LRRC9: variants seen among roughly 807,000 people sequenced by gnomAD.
LRRC9 encodes leucine-rich repeat-containing protein 9.
A neutral mutation model predicts 63.2 loss-of-function variants in LRRC9; 122 were observed. The observed-to-expected ratio is 1.93, with a 90% CI of 1.67 to 2.24. LRRC9 has a LOEUF of 2.24. Ranked by LOEUF, LRRC9 falls within the 30% of genes most tolerant of loss-of-function variation. The probability of loss-of-function intolerance (pLI) is 0.00; values close to 1 mark genes in which losing one functional copy is unlikely to be tolerated. For synonymous variants in LRRC9, 366 were observed against 213.1 expected (o/e 1.72, Z -6.25); for missense variants, 1,071 against 627.7 (o/e 1.71, Z -7.55).
intron 26 of LRRC9, among the ~76,000 whole-genome samples, chr14:60,021,632 A>C (rs1891123514): frequency 6.6e-6 from 1 of 151,804 alleles, no homozygotes; most frequent in African/African-American, 2.4e-5. Flanking sequence ...ATCGAGTCCT[A>C]TGGTCTATTT....
chr14:59,985,388 A>G (rs776464828), intron 17 of LRRC9, among the ~76,000 whole-genome samples, 164 bp downstream of exon 17: 2 of 152,232 alleles, frequency 1.3e-5, no homozygotes, highest in African/African-American at 2.4e-5. Flanking sequence ...ATGCACAGCA[A>G]GTGTGGTGAT....
chr14:59,944,458 T>A (rs187177324), intron 7 of LRRC9, 131 bp from the exon 8 acceptor site: 2 of 407,368 alleles, frequency 4.9e-6, no homozygotes, highest in Non-Finnish European at 8.6e-6. Flanking sequence ...CCAGCTGTCA[T>A]CATTATTAGT....
rs1307750851 is a variant in LRRC9 at position 59,927,624 on chromosome 14, C to T, written c.-33-287C>T. On this transcript the variant is annotated intron_variant, in intron 1 of 31. Transcript: ENST00000445360. This position sits in a 1 kb window ranked among gnomAD's most constrained non-coding sequence, Gnocchi z 4.4. The stretch of plus-strand genomic sequence containing the variant: ...GATAAGAGTGTAGATGAGAGATGAC[C>T]ATTTTCTTCAAGTATTGAAGGCTCA... Among the ~76,000 whole-genome samples, 1 of 151,284 alleles carries T rather than the reference C, an allele frequency of 6.6e-6. No homozygotes were observed. Among genetic ancestry groups the T allele is most frequent in the Non-Finnish European group, 1.5e-5 (1 of 67,654 alleles).
chr14:59,938,447 C>G lies in LRRC9; in HGVS notation c.601C>G (p.Gln201Glu). 2.9e-6 allele frequency: 2 copies of G among 698,104 alleles called. No individual in the cohort carries two copies. Among genetic ancestry groups the G allele is most frequent in the Admixed American group, 4.1e-5 (2 of 49,346 alleles). 43.2% of individuals were successfully genotyped at this position (698,104 alleles called of 1,614,324 possible). Reference sequence around the variant, plus strand: ...AAAGGATTTATGTCTGAATGACCCTCAATATACAACCAATCCAGTTTGTCT... The same window carrying G: ...AAAGGATTTATGTCTGAATGACCCTGAATATACAACCAATCCAGTTTGTCT... Residue 201 changes from glutamine (Q) to glutamate (E), a missense_variant, in exon 7 of 32, where the codon CAA becomes GAA. Gln to Glu is a conservative substitution (Grantham distance 29). Transcript: ENST00000445360. The surrounding 1 kb of genome is among the most constrained non-coding windows in gnomAD (Gnocchi z 4.2).
chr14:59,921,656 C>A (rs1281279200), intron 1 of LRRC9, among the ~76,000 whole-genome samples: 1 of 150,340 alleles, frequency 6.7e-6, no homozygotes, highest in Non-Finnish European at 1.5e-5. Context: ...CAATTTTGAA[C>A]ACACTGAATT....
rs1881298725 is a variant in LRRC9, at chr14:59,938,553, A to G, written c.707A>G (p.Gln236Arg). ...GACACATTGGATGTGTCAGCAAAGC[A>G]AATCAAGGAACTGGCAGATGTAAGT... is the stretch of plus-strand genomic sequence containing the variant. Residue 236 changes from glutamine to arginine, a missense_variant, in exon 7 of 32, where the codon CAA (glutamine) becomes CGA (arginine). Physicochemically the swap from Gln to Arg is conservative, Grantham distance 43 (BLOSUM62 1). Transcript: ENST00000445360. This position sits in a 1 kb window ranked among gnomAD's most constrained non-coding sequence, Gnocchi z 4.2. 1 of 692,406 alleles carries G rather than the reference A, an allele frequency of 1.4e-6. No individual in the cohort carries two copies. Among genetic ancestry groups the G allele is most frequent in the African/African-American group, 1.8e-5 (1 of 56,380 alleles). The allele number at this position is 692,406 out of a possible 1,614,324, so 42.9% of individuals were successfully genotyped here.
intron 3 of LRRC9, among the ~76,000 whole-genome samples, chr14:59,929,583 C>A (rs761524037): frequency 7.3e-5 from 11 of 151,598 alleles, no homozygotes; most frequent in South Asian, 2.1e-4. Context: ...TGGGTATATA[C>A]CCAAAGTAAT....
At chr14:60,066,176 G>T (rs1894880686), downstream of LRRC9, among the ~76,000 whole-genome samples, 1 of 151,448 alleles carries the variant, frequency 6.6e-6, no homozygotes, top group African/African-American at 2.4e-5. Context: ...AAAATTAACT[G>T]ATTGTGAATA....
Position 59,965,882 on chromosome 14 carries a change from CAAAAAAAAAAAAAAAAAAAAAAA to C in LRRC9, c.1212-691_1212-669del, listed in dbSNP as rs71111678. On this transcript the variant is annotated intron_variant, in intron 10 of 31. Coordinates refer to ENST00000445360, the Ensembl canonical transcript of LRRC9. ...TGGGCGACAGAGCGAGACTCCGCCT[CAAAAAAAAAAAAAAAAAAAAAAA>C]AAAAAAAAAAAAAAAGATACTGGTG... is the stretch of plus-strand genomic sequence containing the variant. Among the ~76,000 whole-genome samples, 47 of 29,226 alleles carry C rather than the reference CAAAAAAAAAAAAAAAAAAAAAAA, an allele frequency of 1.6e-3. 1 individual carries two copies. The highest frequency in any genetic ancestry group is 4.9e-3 in the African/African-American group (27 of 5,534). The allele number at this position is 29,226 out of a possible 152,430, so 19.2% of individuals were successfully genotyped here.
chr14:60,006,694 T>C, intron 22 of LRRC9, 77 bp downstream of exon 22: 1 of 532,624 alleles, frequency 1.9e-6, no homozygotes, highest in Non-Finnish European at 3.3e-6. Context: ...TGCATGTTTA[T>C]TGCACAGAAT....
chr14:60,032,101 C>T (rs1892035945), intron 29 of LRRC9, 38 bp downstream of exon 29: 1 of 669,450 alleles, frequency 1.5e-6, no homozygotes, highest in Non-Finnish European at 2.7e-6. Flanking sequence ...AGTTAATTTA[C>T]TGGTAGTTTT....
chr14:60,049,836 A>T (rs1273764313), intron 29 of LRRC9, among the ~76,000 whole-genome samples: 1 of 152,062 alleles, frequency 6.6e-6, no homozygotes, highest in East Asian at 1.9e-4. Context: ...CCTAGATAAT[A>T]TCCTGAAGTA....
At chr14:60,028,649 C>T (rs758722445) in intron 28 of LRRC9, among the ~76,000 whole-genome samples, 10 of 152,130 alleles carry the variant, frequency 6.6e-5, no homozygotes, top group Non-Finnish European at 1.5e-4. Flanking sequence ...CCTGAGATAG[C>T]ATACAGATAA....
chr14:59,961,496 G>A (rs1047484198), intron 10 of LRRC9, among the ~76,000 whole-genome samples: 4 of 152,178 alleles, frequency 2.6e-5, no homozygotes, highest in African/African-American at 9.7e-5. Context: ...AACATGGGAG[G>A]AGACTGTCTA....
intron 8 of LRRC9, among the ~76,000 whole-genome samples, chr14:59,956,423 T>G (rs1034376536): frequency 1.3e-5 from 2 of 152,194 alleles, no homozygotes; most frequent in Non-Finnish European, 2.9e-5. Flanking sequence ...TCTTTGCTGG[T>G]GTAAAGCCTC....
At chr14:60,034,015 CTT>C (rs1157239003) in intron 29 of LRRC9, among the ~76,000 whole-genome samples, 4 of 116,056 alleles carry the variant, frequency 3.4e-5, no homozygotes, top group Non-Finnish European at 5.1e-5. Flanking sequence ...TTTTTTCTTT[CTT>C]TTTTTTTTTT....
At chr14:59,963,595 G>C (rs1181661286) in intron 10 of LRRC9, among the ~76,000 whole-genome samples, 1 of 151,630 alleles carries the variant, frequency 6.6e-6, no homozygotes. Context: ...ATGATGTTTT[G>C]TGTCTTATAA....
chr14:59,997,624 C>A, intron 17 of LRRC9, 32 bp from the exon 18 acceptor site: 1 of 640,910 alleles, frequency 1.6e-6, no homozygotes, highest in African/African-American at 1.8e-5. Context: ...TTATGATTCT[C>A]TTAGCATCAC....
chr14:60,038,828 C>T (rs1566899006), intron 29 of LRRC9, among the ~76,000 whole-genome samples: 1 of 152,198 alleles, frequency 6.6e-6, no homozygotes, highest in Non-Finnish European at 1.5e-5. Context: ...TGAGAGAGGG[C>T]ATCCCTATCT....
Sources: gnomAD v4.1 joint callset for allele counts (sites outside exome capture counted in the v4.1 genomes callset) on GRCh38, gnomAD v4.1.1 for gene constraint, Gnocchi (gnomAD v3.1) non-coding constraint, MANE v1.5 for transcripts, NCBI Gene and HGNC (gene_info 2026-07-23, HGNC 2026-07-21) for gene names.